VWCE: variants seen among roughly 807,000 people sequenced by gnomAD.
VWCE encodes the protein von Willebrand factor C and EGF domain-containing protein.
In VWCE, 68 loss-of-function variants were observed where a neutral mutation model predicts 102.9. The ratio of observed to expected loss-of-function variants is 0.66; its 90% CI spans 0.54 to 0.81. VWCE has a LOEUF of 0.81. Among genes scored for constraint, VWCE ranks in the 30% least tolerant of loss-of-function variants. The probability of loss-of-function intolerance (pLI) is 0.00; values close to 1 mark genes in which losing one functional copy is unlikely to be tolerated. For synonymous variants in VWCE, 497 were observed against 515.4 expected (o/e 0.96, Z 0.48); for missense variants, 1,137 against 1,263.6 (o/e 0.90, Z 1.52).
intron 3 of VWCE, 58 bp from the exon 4 acceptor site, chr11:61,290,985 C>T: frequency 6.3e-7 from 1 of 1,576,194 alleles, no homozygotes; most frequent in African/African-American, 1.3e-5. Flanking sequence ...ACCATCCCCA[C>T]TTCACCAGGG....
chr11:61,281,443 T>G (rs1418643561), intron 7 of VWCE, among the ~76,000 whole-genome samples: 1 of 152,144 alleles, frequency 6.6e-6, no homozygotes, highest in East Asian at 1.9e-4. Flanking sequence ...ATACTCGGAC[T>G]CCTGTTGGGT....
chr11:61,281,954 G>T, intron 6 of VWCE, 40 bp from the exon 7 acceptor site: 1 of 1,592,444 alleles, frequency 6.3e-7, no homozygotes, highest in Non-Finnish European at 8.6e-7. Context: ...CTTTGTTTGG[G>T]CTACGGAGCC....
intron 5 of VWCE, among the ~76,000 whole-genome samples, chr11:61,284,874 C>T (rs1488031800): frequency 1.3e-5 from 2 of 151,652 alleles, no homozygotes; most frequent in African/African-American, 2.4e-5. Context: ...ACCCAGGAGG[C>T]GGAGGTTGCA....
intron 1 of VWCE, among the ~76,000 whole-genome samples, chr11:61,293,994 G>A (rs1426881448): frequency 6.6e-6 from 1 of 152,178 alleles, no homozygotes; most frequent in Non-Finnish European, 1.5e-5. Flanking sequence ...CGAATGAGCG[G>A]AGCCTTGGGA....
At chr11:61,263,529 A>C (rs574217590) in intron 19 of VWCE, among the ~76,000 whole-genome samples, 54 of 152,244 alleles carry the variant, frequency 3.5e-4, no homozygotes, top group African/African-American at 1.3e-3. Flanking sequence ...AGGGTACACA[A>C]TCTCAGCTAG....
intron 9 of VWCE, among the ~76,000 whole-genome samples, chr11:61,279,028 C>T (rs1207308397): frequency 6.7e-6 from 1 of 149,982 alleles, no homozygotes; most frequent in South Asian, 2.1e-4. Context: ...GACAAAGCAA[C>T]ACTCCGTCTT....
rs1031351168 is a variant in VWCE at position 61,264,530 on chromosome 11, G to A, written c.2187C>T (p.Ala729=). ...CEKVPCQRAC[A]DPALLPGDCC... is the part of the protein sequence containing the mutation. ...AGTCCCCAGGAAGCAGGGCAGGGTC[G>A]GCACAGGCCCGCTGGCAGGGAACCT... Residue 729 remains alanine, a synonymous_variant, in exon 19 of 20, where the codon GCC becomes GCT. Coordinates refer to ENST00000335613, the MANE Select transcript of VWCE (RefSeq NM_152718.2). The A allele has an allele frequency of 3.5e-5, 57 of 1,613,430 alleles. No homozygotes were observed. The highest frequency in any genetic ancestry group is 4.6e-5 in the Non-Finnish European group (54 of 1,179,790).
In VWCE at chr11:61,258,677, A is replaced by G; in HGVS notation, c.2866T>C (p.Ter956GlnextTer52). 2 of 1,385,798 alleles carry G rather than the reference A, an allele frequency of 1.4e-6. No homozygotes were observed. Among genetic ancestry groups the G allele is most frequent in the Non-Finnish European group, 1.9e-6 (2 of 1,066,374 alleles). The allele number at this position is 1,385,798 out of a possible 1,614,324, so 85.8% of individuals were successfully genotyped here. A position where few individuals can be genotyped will look rare whatever the true frequency, so the allele number is the denominator to read the frequency against. ...GASRGEESTM[*>Q] ...GTCTCCCGGACACAGTGACCTCCTT[A>G]CATGGTGGACTCTTCCCCCCGAGAA... The change falls in exon 20 of 20, where the codon TAA becomes CAA. Residue 956 changes from the stop codon to glutamine (Q), a stop_lost. Transcript: ENST00000335613.
At chr11:61,267,675 G>A in intron 15 of VWCE, 131 bp from the exon 16 acceptor site, 2 of 765,530 alleles carry the variant, frequency 2.6e-6, no homozygotes, top group Admixed American at 2.5e-5. Context: ...AGTCACCCTG[G>A]GAGTTAGGGA....
intron 5 of VWCE, among the ~76,000 whole-genome samples, chr11:61,283,128 C>G (rs1271184041): frequency 6.6e-6 from 1 of 152,202 alleles, no homozygotes; most frequent in Non-Finnish European, 1.5e-5. Flanking sequence ...CCACATTCAT[C>G]TCTAGTCTGG....
intron 1 of VWCE, among the ~76,000 whole-genome samples, chr11:61,292,080 G>A (rs889629134): frequency 1.3e-5 from 2 of 152,168 alleles, no homozygotes; most frequent in African/African-American, 4.8e-5. Flanking sequence ...AAAACTAGCT[G>A]GGCATGGTGA....
In VWCE at chr11:61,269,031, G is replaced by A; in HGVS notation, c.1786-13C>T. On this transcript the variant is annotated splice_polypyrimidine_tract_variant and intron_variant, in intron 14 of 19. Transcript: ENST00000335613. The stretch of plus-strand genomic sequence containing the variant: ...CCGAGCCATCTGCCTGGAGGAAGGA[G>A]GAACTTCACCAAGACCCCACCGGTG... The A allele has an allele frequency of 1.2e-6, 2 of 1,613,568 alleles. No homozygotes were observed. The highest frequency in any genetic ancestry group is 1.1e-5 in the South Asian group (1 of 91,030).
intron 10 of VWCE, among the ~76,000 whole-genome samples, chr11:61,277,241 G>A (rs192406675): frequency 1.8e-4 from 28 of 151,666 alleles, no homozygotes; most frequent in Admixed American, 5.3e-4. Context: ...TCGATAAGGG[G>A]TGCTGGTGGT....
At chr11:61,279,730 T>C (rs994196908) in intron 9 of VWCE, among the ~76,000 whole-genome samples, 14 of 152,190 alleles carry the variant, frequency 9.2e-5, no homozygotes, top group African/African-American at 2.6e-4. Flanking sequence ...TCTGCTTTTT[T>C]TCTTTTTTCT....
chr11:61,293,267 A>T, intron 1 of VWCE, among the ~76,000 whole-genome samples: 1 of 148,684 alleles, frequency 6.7e-6, no homozygotes, highest in East Asian at 2.0e-4. Context: ...AAAAAAAAAA[A>T]TTAGCCAGGT....
chr11:61,292,238 A>G (rs371697990), intron 1 of VWCE, among the ~76,000 whole-genome samples: 252 of 148,354 alleles, frequency 1.7e-3, no homozygotes, highest in African/African-American at 6.2e-3. Context: ...AAAAAAAAAA[A>G]AGAGAGAGAG....
At chr11:61,261,705 C>CTGAA (rs1854365210) in intron 19 of VWCE, among the ~76,000 whole-genome samples, 1 of 151,450 alleles carries the variant, frequency 6.6e-6, no homozygotes, top group Non-Finnish European at 1.5e-5. Flanking sequence ...ACCTGTGAGA[C>CTGAA]TGAAGTAGGA....
At chr11:61,282,578 G>A (rs1855177039) in intron 6 of VWCE, 1 of 542,648 alleles carries the variant, frequency 1.8e-6, no homozygotes, top group South Asian at 2.8e-5. Flanking sequence ...GATGAAAGTG[G>A]CAAATGGCCA....
At chr11:61,285,444 G>A (rs775968351) in intron 5 of VWCE, among the ~76,000 whole-genome samples, 2 of 152,052 alleles carry the variant, frequency 1.3e-5, no homozygotes, top group Non-Finnish European at 2.9e-5. Context: ...CTCTTCCCTG[G>A]GTTTTCCCAA....
Sources: allele counts gnomAD v4.1 joint callset (sites outside exome capture counted in the v4.1 genomes callset), GRCh38; gene constraint gnomAD v4.1.1; transcripts MANE v1.5; gene names NCBI Gene and HGNC (gene_info 2026-07-23, HGNC 2026-07-21).